Variants in PLGRKT observed in about 807,000 individuals in gnomAD.
The protein encoded by PLGRKT is plasminogen receptor with a C-terminal lysine.
In PLGRKT, 22 loss-of-function variants were observed where a neutral mutation model predicts 18.5. That is an observed-to-expected ratio of 1.19 (90% CI 0.85 to 1.70). PLGRKT has a LOEUF of 1.70. Ranked by LOEUF, PLGRKT falls within the 40% of genes most tolerant of loss-of-function variation. The pLI is 0.00. For missense variants in PLGRKT, 235 were observed against 174.4 expected, an observed-to-expected ratio of 1.35 and a Z score of -1.96; for synonymous variants, 72 against 52.8, an observed-to-expected ratio of 1.36 and a Z score of -1.58.
chr9:5,370,214 C>T (rs1385955962), intron 3 of PLGRKT, among the ~76,000 whole-genome samples: 1 of 152,128 alleles, frequency 6.6e-6, no homozygotes, highest in Non-Finnish European at 1.5e-5. Flanking sequence ...TTTCATTCTT[C>T]AATTTCTTTG....
intron 3 of PLGRKT, among the ~76,000 whole-genome samples, chr9:5,395,962 T>C (rs150145269): frequency 6.6e-6 from 1 of 151,048 alleles, no homozygotes; most frequent in African/African-American, 2.5e-5. Flanking sequence ...GGCACAATCT[T>C]GGTTCACTGC....
intron 3 of PLGRKT, among the ~76,000 whole-genome samples, chr9:5,428,341 G>A (rs1273602408): frequency 6.6e-6 from 1 of 152,130 alleles, no homozygotes; most frequent in South Asian, 2.1e-4. Flanking sequence ...GGAACTTCAG[G>A]GCAGGGAAGG....
At chr9:5,422,829 GT>G (rs1215072944) in intron 3 of PLGRKT, among the ~76,000 whole-genome samples, 1 of 152,060 alleles carries the variant, frequency 6.6e-6, no homozygotes, top group Non-Finnish European at 1.5e-5. Context: ...CAAAATATTG[GT>G]TTTAAAGTTT....
intron 3 of PLGRKT, among the ~76,000 whole-genome samples, chr9:5,368,571 A>C (rs978131083): frequency 6.6e-6 from 1 of 152,180 alleles, no homozygotes; most frequent in Non-Finnish European, 1.5e-5. Context: ...ATAGACACCA[A>C]GGACTACTAG....
At chr9:5,419,634 AT>A (rs1818535399) in intron 3 of PLGRKT, among the ~76,000 whole-genome samples, 1 of 152,236 alleles carries the variant, frequency 6.6e-6, no homozygotes, top group Non-Finnish European at 1.5e-5. Context: ...ATTAGCCATT[AT>A]GGAAATTCAA....
In PLGRKT at chr9:5,423,593, G is replaced by A. The variant is rs556953179; in HGVS notation, c.81+8304C>T. ...TGACTTCTCTGCAGCATTTGACACC[G>A]TTGAAAACACCTTCTTTCTTCTTGA... On this transcript the variant is annotated intron_variant, in intron 3 of 5. Transcript: ENST00000223864. 5.3e-5 allele frequency among the ~76,000 whole-genome samples: 8 copies of A among 152,098 alleles called. 1 individual carries two copies. Among genetic ancestry groups the A allele is most frequent in the Admixed American group, 4.6e-4 (7 of 15,270 alleles).
chr9:5,424,935 G>C (rs1425253092), intron 3 of PLGRKT, among the ~76,000 whole-genome samples: 1 of 151,692 alleles, frequency 6.6e-6, no homozygotes, highest in Non-Finnish European at 1.5e-5. Context: ...TTAAATAACT[G>C]TATTTTTTGG....
At chr9:5,388,281 C>A (rs1470460218) in intron 3 of PLGRKT, among the ~76,000 whole-genome samples, 1 of 151,748 alleles carries the variant, frequency 6.6e-6, no homozygotes, top group African/African-American at 2.4e-5. Flanking sequence ...TTCCCAGGAA[C>A]AACTGAGGAA....
At chr9:5,380,471 A>G (rs1460255675) in intron 3 of PLGRKT, among the ~76,000 whole-genome samples, 1 of 151,816 alleles carries the variant, frequency 6.6e-6, no homozygotes, top group African/African-American at 2.4e-5. Context: ...TTTACTCCTC[A>G]TTTAATCATA....
chr9:5,386,532 T>C (rs967570002), intron 3 of PLGRKT, among the ~76,000 whole-genome samples: 7 of 151,962 alleles, frequency 4.6e-5, no homozygotes, highest in Non-Finnish European at 8.8e-5. Flanking sequence ...CTTCCAAATG[T>C]CAATAGTGTT....
chr9:5,392,634 G>A (rs1195284226), intron 3 of PLGRKT: 1 of 151,802 alleles, frequency 6.6e-6, no homozygotes, highest in East Asian at 1.9e-4. Flanking sequence ...TCATCTTTGG[G>A]CTTCAGTTAT....
intron 3 of PLGRKT, among the ~76,000 whole-genome samples, chr9:5,424,773 C>T (rs1036713309): frequency 6.8e-6 from 1 of 146,840 alleles, no homozygotes; most frequent in African/African-American, 2.5e-5. Context: ...CCGGGCTGGT[C>T]CCAAACTCCT....
chr9:5,435,840 G>T (rs1000858397), intron 2 of PLGRKT, among the ~76,000 whole-genome samples: 4 of 152,222 alleles, frequency 2.6e-5, no homozygotes, highest in African/African-American at 9.6e-5. Flanking sequence ...ATTCATTACA[G>T]CCAGGATTCC....
chr9:5,367,018 G>GAT (rs1267152728), intron 3 of PLGRKT, among the ~76,000 whole-genome samples: 1 of 81,778 alleles, frequency 1.2e-5, no homozygotes, highest in African/African-American at 5.2e-5. Context: ...CAGACAGACA[G>GAT]ATACACACAC....
At chr9:5,370,190 T>C (rs1486884508) in intron 3 of PLGRKT, among the ~76,000 whole-genome samples, 1 of 152,176 alleles carries the variant, frequency 6.6e-6, no homozygotes, top group African/African-American at 2.4e-5. Context: ...TTACATCAGC[T>C]CTTTCCTGTG....
rs541997463 is a variant in PLGRKT, at chr9:5,383,853, C to T, written c.82-21965G>A. The stretch of plus-strand genomic sequence containing the variant: ...GCCAATGACCAGTACCAGTCCGTGG[C>T]CCAGGGGTTGGGGATCCTAGAGTTA... On this transcript the variant is annotated intron_variant, in intron 3 of 5. Coordinates refer to ENST00000223864, the MANE Select transcript of PLGRKT (RefSeq NM_018465.4). Among the ~76,000 whole-genome samples the T allele has an allele frequency of 1.2e-3, 186 of 152,290 alleles. 2 individuals are homozygous for T. The highest frequency in any genetic ancestry group is 0.011 in the Admixed American group (162 of 15,306).
chr9:5,393,940 T>A (rs1267002374), intron 3 of PLGRKT, among the ~76,000 whole-genome samples: 3 of 151,846 alleles, frequency 2.0e-5, no homozygotes, highest in Non-Finnish European at 2.9e-5. Context: ...ATACCCAGAT[T>A]TTTGACCATC....
chr9:5,360,514 G>A (rs1007742487), intron 5 of PLGRKT, among the ~76,000 whole-genome samples: 1 of 152,008 alleles, frequency 6.6e-6, no homozygotes, highest in African/African-American at 2.4e-5. Context: ...TCAACCCCTG[G>A]TCCAGACAAT....
At chr9:5,407,266 T>A (rs891410451) in intron 3 of PLGRKT, among the ~76,000 whole-genome samples, 4 of 152,194 alleles carry the variant, frequency 2.6e-5, no homozygotes, top group Non-Finnish European at 4.4e-5. Flanking sequence ...AATGGCCCCA[T>A]ATTGCTAATT....
Sources: allele counts gnomAD v4.1 joint callset (sites outside exome capture counted in the v4.1 genomes callset), GRCh38; gene constraint gnomAD v4.1.1; transcripts MANE v1.5; gene names NCBI Gene and HGNC (gene_info 2026-07-23, HGNC 2026-07-21).